CHRAC1: variants seen among roughly 807,000 people sequenced by gnomAD.
CHRAC1 encodes chromatin accessibility complex subunit 1.
A neutral mutation model predicts 9.1 loss-of-function variants in CHRAC1; 6 were observed. The observed-to-expected ratio is 0.66, with a 90% CI of 0.36 to 1.29. CHRAC1 has a LOEUF of 1.29. CHRAC1 is among the 50% of genes most tolerant of loss of function. The pLI is 0.03. For missense variants in CHRAC1, 168 were observed against 163.5 expected, an observed-to-expected ratio of 1.03 and a Z score of -0.15; for synonymous variants, 73 against 64.5, an observed-to-expected ratio of 1.13 and a Z score of -0.63.
Position 140,516,022 on chromosome 8 carries a change from C to T in CHRAC1, c.*775C>T, listed in dbSNP as rs545030703. 1.3e-5 allele frequency: 2 copies of T among 152,222 alleles called. No homozygotes were observed. Among genetic ancestry groups the T allele is most frequent in the African/African-American group, 2.4e-5 (1 of 41,536 alleles). The allele number at this position is 152,222 out of a possible 1,614,324, so 9.4% of individuals were successfully genotyped here. A position where few individuals can be genotyped will look rare whatever the true frequency, so the allele number is the denominator to read the frequency against. Reference sequence around the variant, plus strand: ...CATTTTGTATATTGGAGATCTCTCTCATCTTACTGTTCTTTGCTTTAAATT... The same window carrying T: ...CATTTTGTATATTGGAGATCTCTCTTATCTTACTGTTCTTTGCTTTAAATT... On this transcript the variant is annotated 3_prime_UTR_variant, in exon 3 of 3. Coordinates refer to ENST00000220913, the MANE Select transcript of CHRAC1 (RefSeq NM_017444.6).
intron 1 of CHRAC1, chr8:140,512,118 C>A: frequency 1.1e-6 from 1 of 927,376 alleles, no homozygotes; most frequent in Admixed American, 2.8e-5. Context: ...CCGGCCCTAC[C>A]CGTGGGCGTC....
chr8:140,513,913 CTTTTTTTTTT>C (rs57880666), intron 1 of CHRAC1, among the ~76,000 whole-genome samples: 1 of 87,474 alleles, frequency 1.1e-5, no homozygotes, highest in Admixed American at 1.5e-4. Flanking sequence ...CCAGTGATTT[CTTTTTTTTTT>C]TTTTTTTTTT....
chr8:140,512,196 G>C (rs1346606327), intron 1 of CHRAC1, among the ~76,000 whole-genome samples: 1 of 151,730 alleles, frequency 6.6e-6, no homozygotes, highest in Non-Finnish European at 1.5e-5. Context: ...CCCTACTCCC[G>C]GCCTGCCTTT....
In CHRAC1 at chr8:140,516,373, C is replaced by G. The variant is rs1303630207; in HGVS notation, c.*1126C>G. 2 of 152,158 alleles carry G rather than the reference C, an allele frequency of 1.3e-5. No homozygotes were observed. The highest frequency in any genetic ancestry group is 2.9e-5 in the Non-Finnish European group (2 of 68,048). 9.4% of individuals were successfully genotyped at this position (152,158 alleles called of 1,614,324 possible). ...ATGTTGGCCAGGCTTGTCTCAAACT[C>G]CTAACCTCAACTGATCCACCTGCCT... On this transcript the variant is annotated 3_prime_UTR_variant, in exon 3 of 3. Coordinates refer to ENST00000220913, the MANE Select transcript of CHRAC1 (RefSeq NM_017444.6).
intron 1 of CHRAC1, chr8:140,512,163 TG>T (rs1386299401): frequency 1.9e-5 from 9 of 471,704 alleles, no homozygotes; most frequent in South Asian, 5.9e-5. Context: ...TTGGGTTCTT[TG>T]GGGGCTCTTT....
intron 1 of CHRAC1, 108 bp downstream of exon 1, chr8:140,511,754 T>G: frequency 1.9e-6 from 2 of 1,045,188 alleles, no homozygotes; most frequent in Non-Finnish European, 2.5e-6. Flanking sequence ...CCGGCTGCTC[T>G]TGCCGGGCTC....
intron 1 of CHRAC1, chr8:140,511,992 C>T: frequency 7.7e-7 from 1 of 1,293,270 alleles, no homozygotes; most frequent in Non-Finnish European, 1.0e-6. Flanking sequence ...ACTGTCCTCC[C>T]GCCGTTTCTC....
chr8:140,514,270 T>G (rs1211031922), intron 1 of CHRAC1, 99 bp from the exon 2 acceptor site: 2 of 1,265,584 alleles, frequency 1.6e-6, no homozygotes, highest in Non-Finnish European at 2.2e-6. Context: ...AATATACTTT[T>G]AAGCCTAATT....
chr8:140,514,076 T>G (rs551456782), intron 1 of CHRAC1, among the ~76,000 whole-genome samples: 128 of 151,652 alleles, frequency 8.4e-4, no homozygotes, highest in African/African-American at 3.0e-3. Flanking sequence ...CAGCTAATTT[T>G]TGTATTTTTA....
At position 140,511,644 on chromosome 8, in the gene CHRAC1, A is replaced by G; in HGVS notation, c.145A>G (p.Thr49Ala). The G allele has an allele frequency of 1.4e-6, 2 of 1,415,768 alleles. No homozygotes were observed. Among genetic ancestry groups the G allele is most frequent in the Non-Finnish European group, 1.9e-6 (2 of 1,078,562 alleles). 87.7% of individuals were successfully genotyped at this position (1,415,768 alleles called of 1,614,324 possible). A position where few individuals can be genotyped will look rare whatever the true frequency, so the allele number is the denominator to read the frequency against. ...QEALVLTAKA[T>A]ELFVQCLATY... Reference sequence around the variant, plus strand: ...GGCGTTGGTGCTCACGGCCAAGGCCACGGTGAGGGGGCAGGGCGGGGGTGT... The same window carrying G: ...GGCGTTGGTGCTCACGGCCAAGGCCGCGGTGAGGGGGCAGGGCGGGGGTGT... The change falls in exon 1 of 3, where the codon ACG (threonine) becomes GCG (alanine). Residue 49 changes from threonine (T) to alanine (A), a missense_variant and splice_region_variant. Thr to Ala is a moderately conservative substitution (Grantham distance 58). Transcript: ENST00000220913.
rs909249282 is a variant in CHRAC1, at chr8:140,516,120, A to G, written c.*873A>G. ...CAATTTTTTTTTTCCACTTAGGGTA[A>G]ATGTTTGGCTCCTCTCATTTCATTA... On this transcript the variant is annotated 3_prime_UTR_variant, in exon 3 of 3. Transcript: ENST00000220913. 4.0e-5 allele frequency: 6 copies of G among 151,386 alleles called. No individual in the cohort carries two copies. The Admixed American group carries it at 4.0e-4, about 10-fold the overall frequency. The allele number at this position is 151,386 out of a possible 1,614,324, so 9.4% of individuals were successfully genotyped here. A position where few individuals can be genotyped will look rare whatever the true frequency, so the allele number is the denominator to read the frequency against.
chr8:140,511,951 C>A (rs1266047482), intron 1 of CHRAC1: 1 of 1,293,526 alleles, frequency 7.7e-7, no homozygotes, highest in East Asian at 5.3e-5. Flanking sequence ...CCGCCCCTTC[C>A]TTCCGTGCGC....
chr8:140,512,249 C>T (rs1200280790), intron 1 of CHRAC1, among the ~76,000 whole-genome samples: 3 of 152,128 alleles, frequency 2.0e-5, no homozygotes, highest in Admixed American at 2.0e-4. Context: ...GCCCTAACTC[C>T]TCCAGTGTCC....
chr8:140,511,759 G>C (rs945980365), intron 1 of CHRAC1, 113 bp downstream of exon 1: 37 of 999,314 alleles, frequency 3.7e-5, no homozygotes, highest in Non-Finnish European at 4.6e-5. Context: ...TGCTCTTGCC[G>C]GGCTCGCGCG....
intron 1 of CHRAC1, 154 bp downstream of exon 1, chr8:140,511,800 G>A: frequency 4.9e-6 from 4 of 814,716 alleles, no homozygotes; most frequent in Non-Finnish European, 7.3e-6. Flanking sequence ...ACGCCGGCGC[G>A]CGCTTCGGTG....
chr8:140,512,008 C>CT (rs1382039341), intron 1 of CHRAC1: 2 of 1,290,482 alleles, frequency 1.5e-6, no homozygotes, highest in South Asian at 1.2e-5. Context: ...TTCTCTCGCG[C>CT]TTCCATTCGG....
chr8:140,513,608 T>G (rs1363422561), intron 1 of CHRAC1, among the ~76,000 whole-genome samples: 1 of 151,740 alleles, frequency 6.6e-6, no homozygotes, highest in Non-Finnish European at 1.5e-5. Flanking sequence ...ATTTTGTTTT[T>G]TTTTTTTATT....
At chr8:140,513,611 T>TA (rs1209710952) in intron 1 of CHRAC1, among the ~76,000 whole-genome samples, 3 of 151,570 alleles carry the variant, frequency 2.0e-5, no homozygotes, top group African/African-American at 4.8e-5. Flanking sequence ...TTGTTTTTTT[T>TA]TTTTATTTTA....
At position 140,515,932 on chromosome 8, in the gene CHRAC1, AATCAAATAC is replaced by A. The variant is rs1189623661; in HGVS notation, c.*687_*695del. The A allele has an allele frequency of 6.6e-6, 1 of 152,218 alleles. No individual in the cohort carries two copies. 9.4% of individuals were successfully genotyped at this position (152,218 alleles called of 1,614,324 possible). ...AGAAAAATTCCAAGTCAAATTATCA[AATCAAATAC>A]AAAAATAAGTCTTACCTCTTGTATA... On this transcript the variant is annotated 3_prime_UTR_variant, in exon 3 of 3. Coordinates refer to ENST00000220913, the MANE Select transcript of CHRAC1 (RefSeq NM_017444.6).
Sources: allele counts gnomAD v4.1 joint callset (sites outside exome capture counted in the v4.1 genomes callset), GRCh38; gene constraint gnomAD v4.1.1; transcripts MANE v1.5; gene names NCBI Gene and HGNC (gene_info 2026-07-23, HGNC 2026-07-21).